Variants in LRRC3B observed in about 807,000 individuals in gnomAD.
LRRC3B encodes the protein leucine-rich repeat-containing protein 3B.
A neutral mutation model predicts 12.8 loss-of-function variants in LRRC3B; 2 were observed. The observed-to-expected ratio is 0.16, with a 90% CI of 0.06 to 0.49. The LOEUF (loss-of-function observed/expected upper bound fraction) is 0.49. LRRC3B is among the 20% of genes least tolerant of loss of function. The probability of loss-of-function intolerance (pLI) is 0.96; values close to 1 mark genes in which losing one functional copy is unlikely to be tolerated. For missense variants in LRRC3B, 189 were observed against 319.4 expected, an observed-to-expected ratio of 0.59 and a Z score of 3.11; for synonymous variants, 132 against 122.0, an observed-to-expected ratio of 1.08 and a Z score of -0.54.
intron 1 of LRRC3B, among the ~76,000 whole-genome samples, chr3:26,687,408 A>T (rs879698162): frequency 2.0e-5 from 3 of 152,210 alleles, no homozygotes; most frequent in African/African-American, 4.8e-5. Flanking sequence ...TGTTCTAAGC[A>T]TTCCTTTCTC....
At chr3:26,696,508 C>T (rs1208873086) in intron 1 of LRRC3B, among the ~76,000 whole-genome samples, 1 of 152,158 alleles carries the variant, frequency 6.6e-6, no homozygotes, top group Non-Finnish European at 1.5e-5. Context: ...TCCCCTAACT[C>T]TTCAGAATGC....
At chr3:26,681,035 C>T (rs1196605729) in intron 1 of LRRC3B, among the ~76,000 whole-genome samples, 1 of 152,068 alleles carries the variant, frequency 6.6e-6, no homozygotes, top group Non-Finnish European at 1.5e-5. Flanking sequence ...CAAAAGACAA[C>T]TGAATTATTG....
chr3:26,659,580 A>G (rs372459095), intron 1 of LRRC3B, among the ~76,000 whole-genome samples: 15 of 152,342 alleles, frequency 9.8e-5, no homozygotes, highest in African/African-American at 3.6e-4. Context: ...TTTGAATAGT[A>G]TTTTGTAAAT....
At chr3:26,623,397 G>T (rs1698553640) in intron 1 of LRRC3B, among the ~76,000 whole-genome samples, 160 bp downstream of exon 1, 1 of 152,148 alleles carries the variant, frequency 6.6e-6, no homozygotes, top group Admixed American at 6.5e-5. Context: ...CAGACCCTGG[G>T]AGAGACCTCC....
At chr3:26,702,155 G>A (rs1475529017) in intron 1 of LRRC3B, among the ~76,000 whole-genome samples, 1 of 152,172 alleles carries the variant, frequency 6.6e-6, no homozygotes, top group Non-Finnish European at 1.5e-5. Flanking sequence ...TCTAGCAGTA[G>A]AGAAGGTAAA....
chr3:26,690,531 A>T (rs1700168899), intron 1 of LRRC3B, among the ~76,000 whole-genome samples: 1 of 152,152 alleles, frequency 6.6e-6, no homozygotes, highest in Admixed American at 6.5e-5. Flanking sequence ...TTCATTGTTG[A>T]CAAAAGCTAA....
chr3:26,646,360 CA>C (rs1699143946), intron 1 of LRRC3B, among the ~76,000 whole-genome samples: 1 of 152,098 alleles, frequency 6.6e-6, no homozygotes. Context: ...AGAGAGTATT[CA>C]AACTTGCTTG....
At chr3:26,636,896 C>CTCTCTCTTTCTCTCTT (rs1313899219) in intron 1 of LRRC3B, among the ~76,000 whole-genome samples, 1 of 94,690 alleles carries the variant, frequency 1.1e-5, no homozygotes, top group African/African-American at 4.6e-5. Context: ...CTTTCTCTCT[C>CTCTCTCTTTCTCTCTT]TCTCTCTTTC....
At chr3:26,683,655 A>AATGAAACT (rs1700016398) in intron 1 of LRRC3B, among the ~76,000 whole-genome samples, 1 of 152,298 alleles carries the variant, frequency 6.6e-6, no homozygotes, top group East Asian at 1.9e-4. Flanking sequence ...CTATTGAAAC[A>AATGAAACT]ATGAAACTAG....
chr3:26,691,105 G>GTATATATATATATATATATATATA (rs1553605090), intron 1 of LRRC3B, among the ~76,000 whole-genome samples: 3 of 84,850 alleles, frequency 3.5e-5, no homozygotes, highest in Non-Finnish European at 6.6e-5. Flanking sequence ...GTGTGTGTGT[G>GTATATATATATATATATATATATA]TATATATATA....
intron 1 of LRRC3B, among the ~76,000 whole-genome samples, chr3:26,667,966 C>T (rs1432826998): frequency 6.6e-6 from 1 of 151,424 alleles, no homozygotes; most frequent in Non-Finnish European, 1.5e-5. Flanking sequence ...TTTTAATGCA[C>T]CATCAGTATT....
chr3:26,666,421 G>A (rs1283899818), intron 1 of LRRC3B, among the ~76,000 whole-genome samples: 1 of 151,738 alleles, frequency 6.6e-6, no homozygotes, highest in African/African-American at 2.4e-5. Flanking sequence ...AGATTGGGGG[G>A]ATTTTAAGGG....
chr3:26,665,091 G>T (rs1030635867), intron 1 of LRRC3B, among the ~76,000 whole-genome samples: 1 of 151,938 alleles, frequency 6.6e-6, no homozygotes, highest in African/African-American at 2.4e-5. Context: ...TTTTGGGAGT[G>T]AAAGCAGCAC....
At chr3:26,647,271 T>C (rs1348187137) in intron 1 of LRRC3B, among the ~76,000 whole-genome samples, 1 of 152,152 alleles carries the variant, frequency 6.6e-6, no homozygotes, top group Non-Finnish European at 1.5e-5. Context: ...CGTTTCTCAC[T>C]ATCTTAACGG....
intron 1 of LRRC3B, among the ~76,000 whole-genome samples, chr3:26,672,306 G>A (rs1699765406): frequency 6.6e-6 from 1 of 152,096 alleles, no homozygotes; most frequent in African/African-American, 2.4e-5. Flanking sequence ...GTTGCAATAG[G>A]CCATACACTT....
intron 1 of LRRC3B, among the ~76,000 whole-genome samples, chr3:26,672,746 C>A (rs1380602879): frequency 1.3e-5 from 2 of 152,312 alleles, no homozygotes; most frequent in South Asian, 2.1e-4. Context: ...TATATTTCAT[C>A]TTTTCCTTTT....
At chr3:26,690,158 A>G (rs1188289924) in intron 1 of LRRC3B, among the ~76,000 whole-genome samples, 2 of 152,176 alleles carry the variant, frequency 1.3e-5, no homozygotes, top group African/African-American at 2.4e-5. Context: ...TGTGGTAGCA[A>G]TTTGGTCATG....
At chr3:26,702,730 A>C (rs1262721722) in intron 1 of LRRC3B, among the ~76,000 whole-genome samples, 1 of 152,168 alleles carries the variant, frequency 6.6e-6, no homozygotes, top group African/African-American at 2.4e-5. Flanking sequence ...CTGGACACCA[A>C]CAATTCAGGA....
At chr3:26,689,398 A>G (rs1436244382) in intron 1 of LRRC3B, among the ~76,000 whole-genome samples, 7 of 152,184 alleles carry the variant, frequency 4.6e-5, no homozygotes, top group Admixed American at 4.6e-4. Context: ...AGGTTAAACA[A>G]TGGTGACCTC....
Sources: gnomAD v4.1 joint callset for allele counts (sites outside exome capture counted in the v4.1 genomes callset) on GRCh38, gnomAD v4.1.1 for gene constraint, MANE v1.5 for transcripts, NCBI Gene and HGNC (gene_info 2026-07-23, HGNC 2026-07-21) for gene names.